The following SGCD variants were observed in gnomAD, a reference collection of about 807,000 sequenced individuals.
The protein encoded by SGCD is sarcoglycan delta.
A neutral mutation model predicts 36.6 loss-of-function variants in SGCD; 18 were observed. That is an observed-to-expected ratio of 0.49 (90% CI 0.34 to 0.73). SGCD has a LOEUF of 0.73. SGCD is among the 30% of genes least tolerant of loss of function. The pLI is 0.01. For missense variants in SGCD, 387 were observed against 346.7 expected (o/e 1.12, Z -0.92); for synonymous variants, 133 against 130.6 (o/e 1.02, Z -0.12).
At chr5:156,403,992 G>A (rs1205015519) in intron 3 of SGCD, among the ~76,000 whole-genome samples, 2 of 151,908 alleles carry the variant, frequency 1.3e-5, no homozygotes, top group African/African-American at 4.8e-5. Flanking sequence ...GCACCAACAT[G>A]CCCAGCTAAT....
At chr5:155,824,397 A>G in the SGCD span, among the ~76,000 whole-genome samples, 1 of 152,190 alleles carries the variant, frequency 6.6e-6, no homozygotes, top group Non-Finnish European at 1.5e-5. Flanking sequence ...AGATACTATT[A>G]TTATTGTCAT....
the SGCD span, among the ~76,000 whole-genome samples, chr5:155,766,594 G>A: frequency 2.6e-5 from 4 of 152,160 alleles, no homozygotes; most frequent in African/African-American, 9.6e-5. Context: ...GCAGATTTTA[G>A]GGGTAGAGCT....
intron 1 of SGCD, among the ~76,000 whole-genome samples, chr5:155,914,633 A>T (rs978548598): frequency 6.6e-6 from 1 of 152,154 alleles, no homozygotes; most frequent in Admixed American, 6.5e-5. Context: ...ATAATAAACA[A>T]TTTTTTAAAA....
chr5:155,911,085 TA>T (rs1463211011), intron 1 of SGCD, among the ~76,000 whole-genome samples: 1 of 152,068 alleles, frequency 6.6e-6, no homozygotes, highest in Non-Finnish European at 1.5e-5. Flanking sequence ...AACATGATAC[TA>T]CCATTTTTAG....
At chr5:156,162,841 C>G (rs1031664068) in intron 3 of SGCD, among the ~76,000 whole-genome samples, 3 of 151,632 alleles carry the variant, frequency 2.0e-5, no homozygotes, top group Admixed American at 6.6e-5. Flanking sequence ...CATAATTCCC[C>G]TTGACTCTAA....
the SGCD span, among the ~76,000 whole-genome samples, chr5:155,857,879 A>C: frequency 6.6e-6 from 1 of 152,214 alleles, no homozygotes; most frequent in African/African-American, 2.4e-5. Context: ...GACAGCTTAC[A>C]TTTAATGTGA....
intron 7 of SGCD, among the ~76,000 whole-genome samples, chr5:156,680,281 G>C (rs1303519048): frequency 6.6e-6 from 1 of 152,050 alleles, no homozygotes; most frequent in East Asian, 1.9e-4. Context: ...CCTGACCCCC[G>C]GGACTGGGTA....
intron 7 of SGCD, among the ~76,000 whole-genome samples, chr5:156,710,538 T>C (rs1754942470): frequency 6.6e-6 from 1 of 152,206 alleles, no homozygotes; most frequent in Non-Finnish European, 1.5e-5. Context: ...GGCTTGGTTT[T>C]ACACATTTTA....
At chr5:155,971,384 C>T (rs1241270973) in intron 1 of SGCD, among the ~76,000 whole-genome samples, 6 of 152,076 alleles carry the variant, frequency 3.9e-5, no homozygotes, top group Admixed American at 3.9e-4. Context: ...CTAATGTTAG[C>T]GACAGCTCCT....
At chr5:155,753,334 T>TCAAAAAAAAAAA in the SGCD span, among the ~76,000 whole-genome samples, 17 of 135,836 alleles carry the variant, frequency 1.3e-4, 1 homozygote, top group African/African-American at 6.0e-4. Context: ...AGACTTTGTC[T>TCAAAAAAAAAAA]AAAAAAAAAA....
intron 2 of SGCD, among the ~76,000 whole-genome samples, chr5:156,122,506 G>C (rs532426421): frequency 6.6e-6 from 1 of 152,042 alleles, no homozygotes; most frequent in Non-Finnish European, 1.5e-5. Flanking sequence ...GAGGAGAAAA[G>C]TTTCCCAGGT....
chr5:155,858,819 C>T, the SGCD span, among the ~76,000 whole-genome samples: 1 of 152,078 alleles, frequency 6.6e-6, no homozygotes, highest in Non-Finnish European at 1.5e-5. Context: ...GACCCTGCTA[C>T]GGATTAACTG....
chr5:156,441,727 G>C (rs1753499322), intron 3 of SGCD, among the ~76,000 whole-genome samples: 1 of 152,148 alleles, frequency 6.6e-6, no homozygotes, highest in Non-Finnish European at 1.5e-5. Context: ...TAAGTATAGA[G>C]AAAGTTAGCC....
chr5:156,488,039 G>T (rs567242235), intron 3 of SGCD, among the ~76,000 whole-genome samples: 1 of 138,094 alleles, frequency 7.2e-6, no homozygotes, highest in African/African-American at 2.6e-5. Context: ...AATAAAAATG[G>T]AAAGCTTTAA....
At position 156,715,264 on chromosome 5, in the gene SGCD, C is replaced by G. The variant is rs563147104; in HGVS notation, c.576-42317C>G. ...TCAATGCAATTATTATGAATTGACT[C>G]TAGAGTAAATGGAAAGGACAGGAGA... On this transcript the variant is annotated intron_variant, in intron 7 of 8. Transcript: ENST00000337851. 1.7e-4 allele frequency among the ~76,000 whole-genome samples: 26 copies of G among 152,188 alleles called. No individual in the cohort carries two copies. The South Asian group carries it at 4.8e-3, about 28-fold the overall frequency.
intron 1 of SGCD, among the ~76,000 whole-genome samples, chr5:155,998,434 G>T (rs1758599075): frequency 6.6e-6 from 1 of 152,062 alleles, no homozygotes. Flanking sequence ...ATTATGTGTG[G>T]GTGTTTCCTG....
Position 156,652,145 on chromosome 5 carries a change from A to C in SGCD, c.575+4609A>C, listed in dbSNP as rs1031338574. ...TCTTTATTGAAGTCATTTCAGTCCT[A>C]GGAGCCTTTTGGTAGAGTCTTTAGG... On this transcript the variant is annotated intron_variant, in intron 7 of 8. Coordinates refer to ENST00000337851, the MANE Select transcript of SGCD (RefSeq NM_000337.6). Among the ~76,000 whole-genome samples the C allele has an allele frequency of 2.8e-4, 42 of 152,040 alleles. 1 individual carries two copies. Among genetic ancestry groups the C allele is most frequent in the Admixed American group, 2.6e-3 (39 of 15,238 alleles).
chr5:156,368,109 G>A (rs777504019), intron 3 of SGCD, among the ~76,000 whole-genome samples: 140 of 146,804 alleles, frequency 9.5e-4, no homozygotes, highest in Non-Finnish European at 1.7e-3. Context: ...TCTTTTTTTC[G>A]AGACGAAATC....
rs550488803 is a variant in SGCD at position 156,682,152 on chromosome 5, C to T, written c.575+34616C>T. On this transcript the variant is annotated intron_variant, in intron 7 of 8. Transcript: ENST00000337851. The stretch of plus-strand genomic sequence containing the variant: ...ACATGGTACATGTTACTGACTTATT[C>T]AAGGATTTGTAACTTAAAAAGAGAG... 2.2e-3 allele frequency among the ~76,000 whole-genome samples: 330 copies of T among 152,200 alleles called. 3 individuals are homozygous for T. Among genetic ancestry groups the T allele is most frequent in the African/African-American group, 7.8e-3 (322 of 41,532 alleles).
Sources: allele counts gnomAD v4.1 joint callset (sites outside exome capture counted in the v4.1 genomes callset), GRCh38; gene constraint gnomAD v4.1.1; transcripts MANE v1.5; gene names NCBI Gene and HGNC (gene_info 2026-07-23, HGNC 2026-07-21).